KCNN3: variants seen among roughly 807,000 people sequenced by gnomAD.
KCNN3 encodes potassium calcium-activated channel subfamily N member 3.
In KCNN3, 16 loss-of-function variants were observed where a neutral mutation model predicts 62.9. That is an observed-to-expected ratio of 0.25 (90% CI 0.17 to 0.39). KCNN3 has a LOEUF of 0.39. Ranked by LOEUF, KCNN3 falls within the 10% of genes least tolerant of loss-of-function variation. KCNN3 has a pLI of 1.00. For synonymous variants in KCNN3, 370 were observed against 389.2 expected (o/e 0.95, Z 0.58); for missense variants, 599 against 949.4 (o/e 0.63, Z 4.85).
At position 154,862,378 on chromosome 1, in the gene KCNN3, G is replaced by T. The variant is rs559147117; in HGVS notation, c.933+6654C>A. Among the ~76,000 whole-genome samples the T allele has an allele frequency of 4.7e-4, 71 of 152,236 alleles. No homozygotes were observed. The highest frequency in any genetic ancestry group is 1.7e-3 in the African/African-American group (69 of 41,538). The stretch of plus-strand genomic sequence containing the variant: ...TGCTGAGCTCATGTGACTGTCCCCC[G>T]ATAAACAGCCACACAGCCAGTGCTG... On this transcript the variant is annotated intron_variant, in intron 1 of 7. Coordinates refer to ENST00000271915, the MANE Select transcript of KCNN3 (RefSeq NM_002249.6). The surrounding 1 kb of genome is among the most constrained non-coding windows in gnomAD (Gnocchi z 4.1).
intron 4 of KCNN3, 63 bp from the exon 5 acceptor site, chr1:154,726,089 G>T: frequency 8.0e-7 from 1 of 1,255,062 alleles, no homozygotes; most frequent in Non-Finnish European, 1.1e-6. Flanking sequence ...CAAGATGAGA[G>T]ACTCAACACG....
chr1:154,778,669 G>T (rs1218395177), intron 2 of KCNN3, among the ~76,000 whole-genome samples: 1 of 139,536 alleles, frequency 7.2e-6, no homozygotes, highest in Non-Finnish European at 1.5e-5. Flanking sequence ...ACCCAGGCTG[G>T]AGTGCAATGG....
At chr1:154,718,228 C>T (rs2101770874) in intron 5 of KCNN3, among the ~76,000 whole-genome samples, 1 of 152,288 alleles carries the variant, frequency 6.6e-6, no homozygotes, top group East Asian at 1.9e-4. Flanking sequence ...CCTCCAAAAC[C>T]CATAAACAAA....
Position 154,822,203 on chromosome 1 carries a change from G to C in KCNN3, c.934-19C>G. 1 of 1,560,852 alleles carries C rather than the reference G, an allele frequency of 6.4e-7. No homozygotes were observed. The highest frequency in any genetic ancestry group is 8.8e-7 in the Non-Finnish European group (1 of 1,131,424). On this transcript the variant is annotated intron_variant, in intron 1 of 7. Transcript: ENST00000271915. The stretch of plus-strand genomic sequence containing the variant: ...TGGAGTCCTGCAGGAACAATGGAGA[G>C]AGAGAATTAGGGAGTGCGGGGAAAG...
chr1:154,789,754 A>C (rs1649431319), intron 2 of KCNN3, among the ~76,000 whole-genome samples: 1 of 152,096 alleles, frequency 6.6e-6, no homozygotes, highest in Non-Finnish European at 1.5e-5. Flanking sequence ...CCCTCCTGAC[A>C]TCCTAAGCCC....
chr1:154,701,317 A>G lies in KCNN3; in HGVS notation c.*6659T>C, dbSNP rs927671434. 6.6e-6 allele frequency: 1 copy of G among 152,200 alleles called. No homozygotes were observed. The highest frequency in any genetic ancestry group is 2.4e-5 in the African/African-American group (1 of 41,448). 9.4% of individuals were successfully genotyped at this position (152,200 alleles called of 1,614,324 possible). A position where few individuals can be genotyped will look rare whatever the true frequency, so the allele number is the denominator to read the frequency against. ...ACATAGGCTCAGTTAATCTGCCCCG[A>G]TGCAACCTGGTTTGCACCTGTACAA... On this transcript the variant is annotated 3_prime_UTR_variant, in exon 8 of 8. Coordinates refer to ENST00000271915, the MANE Select transcript of KCNN3 (RefSeq NM_002249.6).
At chr1:154,714,000 G>T (rs1167094087) in intron 6 of KCNN3, among the ~76,000 whole-genome samples, 1 of 150,098 alleles carries the variant, frequency 6.7e-6, no homozygotes, top group African/African-American at 2.5e-5. Flanking sequence ...GTGTGTGTGT[G>T]TGGTGTTTGT....
intron 1 of KCNN3, among the ~76,000 whole-genome samples, chr1:154,845,089 A>T (rs1651997822): frequency 6.6e-6 from 1 of 151,986 alleles, no homozygotes; most frequent in Non-Finnish European, 1.5e-5. Context: ...TTTCCACTAC[A>T]CCAGGGATGG....
At chr1:154,842,006 G>T (rs1260368602) in intron 1 of KCNN3, among the ~76,000 whole-genome samples, 1 of 152,272 alleles carries the variant, frequency 6.6e-6, no homozygotes, top group Non-Finnish European at 1.5e-5. Context: ...CAGAGGTGGT[G>T]AGGATGGCAC....
chr1:154,727,561 A>G (rs1324046025), intron 4 of KCNN3, among the ~76,000 whole-genome samples: 1 of 152,214 alleles, frequency 6.6e-6, no homozygotes, highest in East Asian at 1.9e-4. Context: ...CATTAAAACA[A>G]TCTAGTGTTT....
intron 3 of KCNN3, among the ~76,000 whole-genome samples, chr1:154,750,008 G>A (rs1261945541): frequency 6.6e-6 from 1 of 152,210 alleles, no homozygotes; most frequent in Non-Finnish European, 1.5e-5. Flanking sequence ...GCGTCACGAA[G>A]TCTGGGATGG....
intron 3 of KCNN3, among the ~76,000 whole-genome samples, chr1:154,766,703 G>A (rs1398121015): frequency 7.1e-6 from 1 of 140,582 alleles, no homozygotes; most frequent in Non-Finnish European, 1.5e-5. Context: ...TTTTTGAGAT[G>A]GAGTCTGGCT....
intron 3 of KCNN3, among the ~76,000 whole-genome samples, chr1:154,744,578 A>G (rs762175988): frequency 8.5e-5 from 13 of 152,260 alleles, no homozygotes; most frequent in East Asian, 3.8e-4. Context: ...CGAAGCTATT[A>G]GAAGCCTGAA....
intron 1 of KCNN3, among the ~76,000 whole-genome samples, chr1:154,847,945 C>T (rs559028333): frequency 6.6e-6 from 1 of 152,258 alleles, no homozygotes; most frequent in Non-Finnish European, 1.5e-5. Flanking sequence ...CCAGCTCCGA[C>T]ACGAACCCGA....
intron 1 of KCNN3, among the ~76,000 whole-genome samples, chr1:154,831,920 A>T (rs1050910824): frequency 6.6e-6 from 1 of 152,022 alleles, no homozygotes; most frequent in African/African-American, 2.4e-5. Flanking sequence ...GAGATCAGCT[A>T]GTTCCCCAAC....
At chr1:154,826,060 AAC>A (rs1401395771) in intron 1 of KCNN3, among the ~76,000 whole-genome samples, 1 of 87,050 alleles carries the variant, frequency 1.1e-5, no homozygotes, top group East Asian at 6.3e-4. Context: ...AAAAAACAAA[AAC>A]AAAAACAAAA....
intron 4 of KCNN3, among the ~76,000 whole-genome samples, chr1:154,728,766 G>T (rs981620187): frequency 6.6e-6 from 1 of 152,108 alleles, no homozygotes; most frequent in Admixed American, 6.6e-5. Context: ...CAAGGGTCAA[G>T]GGGGGAAAGA....
intron 3 of KCNN3, among the ~76,000 whole-genome samples, chr1:154,758,526 C>T (rs977017735): frequency 1.3e-5 from 2 of 152,200 alleles, no homozygotes; most frequent in African/African-American, 4.8e-5. Context: ...GGCTCCCAGG[C>T]GCCTTTTGGG....
intron 3 of KCNN3, among the ~76,000 whole-genome samples, chr1:154,766,684 G>C (rs1161323864): frequency 7.4e-6 from 1 of 135,412 alleles, no homozygotes; most frequent in Non-Finnish European, 1.6e-5. Flanking sequence ...TTTGGGGTTT[G>C]TTTTTTTTTT....
Sources: gnomAD v4.1 joint callset for allele counts (sites outside exome capture counted in the v4.1 genomes callset) on GRCh38, gnomAD v4.1.1 for gene constraint, Gnocchi (gnomAD v3.1) non-coding constraint, MANE v1.5 for transcripts, NCBI Gene and HGNC (gene_info 2026-07-23, HGNC 2026-07-21) for gene names.